The following LEF1 variants were observed in gnomAD, a reference collection of about 807,000 sequenced individuals.
LEF1 encodes lymphoid enhancer-binding factor 1.
In LEF1, 14 loss-of-function variants were observed where a neutral mutation model predicts 51.2. The observed-to-expected ratio is 0.27, with a 90% CI of 0.18 to 0.43. LEF1 has a LOEUF of 0.43. Ranked by LOEUF, LEF1 falls within the 20% of genes least tolerant of loss-of-function variation. LEF1 has a pLI of 1.00. For synonymous variants in LEF1, 185 were observed against 183.2 expected (o/e 1.01, Z -0.08); for missense variants, 386 against 512.0 (o/e 0.75, Z 2.37).
At chr4:108,062,368 G>T (rs17439796) in intron 11 of LEF1, among the ~76,000 whole-genome samples, 3,021 of 152,250 alleles carry the variant, frequency 0.02, 46 homozygotes, top group Middle Eastern at 0.044. Context: ...TAGAGGAAAT[G>T]GGCTTTCGAA....
chr4:108,099,570 G>GTGTGTGTATATATA (rs1266681210), intron 3 of LEF1, among the ~76,000 whole-genome samples: 1 of 70,196 alleles, frequency 1.4e-5, no homozygotes, highest in Non-Finnish European at 2.9e-5. Context: ...GTGTGTGTGT[G>GTGTGTGTATATATA]TATATATATA....
intron 3 of LEF1, among the ~76,000 whole-genome samples, chr4:108,150,509 T>C (rs1744303918): frequency 6.6e-6 from 1 of 152,218 alleles, no homozygotes; most frequent in Non-Finnish European, 1.5e-5. Flanking sequence ...CAGAAGACAA[T>C]TTCCAAGTAT....
In LEF1 at chr4:108,080,837, T is replaced by C. The variant is rs568416164; in HGVS notation, c.722+749A>G. ...ACAACCAGTTAATAACCCACCAGTT[T>C]GACTTCCGGCACAATAATGCTAGCT... On this transcript the variant is annotated intron_variant, in intron 6 of 11. Transcript: ENST00000265165. Among the ~76,000 whole-genome samples the C allele has an allele frequency of 3.3e-5, 5 of 152,328 alleles. No homozygotes were observed. In the South Asian group the frequency reaches 1.0e-3, roughly 32 times the overall value.
At chr4:108,164,160 A>G (rs187838745) in intron 2 of LEF1, among the ~76,000 whole-genome samples, 7 of 152,270 alleles carry the variant, frequency 4.6e-5, no homozygotes, top group African/African-American at 1.7e-4. Context: ...GCAGATTTCT[A>G]GAAAAATTTC....
chr4:108,167,881 G>A lies in LEF1; in HGVS notation c.-114C>T. 1.2e-6 allele frequency: 1 copy of A among 854,522 alleles called. No homozygotes were observed. Among genetic ancestry groups the A allele is most frequent in the Admixed American group, 2.9e-5 (1 of 34,586 alleles). The allele number at this position is 854,522 out of a possible 1,614,324, so 52.9% of individuals were successfully genotyped here. A position where few individuals can be genotyped will look rare whatever the true frequency, so the allele number is the denominator to read the frequency against. ...AAGGAGAGTTGGAAGGGTTCGTGCA[G>A]CAGGACAGCGGGCGGAAGCGGGGCG... On this transcript the variant is annotated 5_prime_UTR_variant, in exon 1 of 12. Coordinates refer to ENST00000265165, the MANE Select transcript of LEF1 (RefSeq NM_016269.5). This position sits in a 1 kb window ranked among gnomAD's most constrained non-coding sequence, Gnocchi z 5.7.
At chr4:108,062,712 C>G (rs1488367233) in intron 11 of LEF1, among the ~76,000 whole-genome samples, 1 of 152,134 alleles carries the variant, frequency 6.6e-6, no homozygotes, top group African/African-American at 2.4e-5. Flanking sequence ...ACGTGTATTA[C>G]AGTACTCCAG....
chr4:108,079,642 T>C (rs562761016), intron 6 of LEF1, 28 bp from the exon 7 acceptor site: 1 of 1,613,372 alleles, frequency 6.2e-7, no homozygotes, highest in East Asian at 2.2e-5. Flanking sequence ...AAGAAAACAA[T>C]GTACTACTGG....
chr4:108,079,470 C>T, intron 7 of LEF1, 22 bp downstream of exon 7: 2 of 1,613,654 alleles, frequency 1.2e-6, no homozygotes, highest in South Asian at 2.2e-5. Flanking sequence ...GCAATCACAG[C>T]AGAGCCCGGG....
intron 3 of LEF1, among the ~76,000 whole-genome samples, chr4:108,152,225 G>A (rs1334034760): frequency 6.6e-6 from 1 of 152,174 alleles, no homozygotes; most frequent in Non-Finnish European, 1.5e-5. Flanking sequence ...AGGGAATAGA[G>A]AACAGGGCAT....
chr4:108,072,885 G>A (rs1738579934), intron 8 of LEF1: 1 of 151,990 alleles, frequency 6.6e-6, no homozygotes, highest in Admixed American at 6.5e-5. Context: ...GGATACAAAA[G>A]GAAACATCAT....
chr4:108,089,156 T>C lies in LEF1; in HGVS notation c.516A>G (p.Ser172=). 6.2e-7 allele frequency: 1 copy of C among 1,613,954 alleles called. No homozygotes were observed. The highest frequency in any genetic ancestry group is 8.5e-7 in the Non-Finnish European group (1 of 1,179,984). Residue 172 remains serine, a synonymous_variant, in exon 4 of 12, where the codon TCA becomes TCG. Transcript: ENST00000265165. ...DEHFSPGSHP[S]HIPSDVNSKQ... The stretch of plus-strand genomic sequence containing the variant: ...TGGAGTTGACATCTGATGGGATGTG[T>C]GACGGGTGTGATCCTGGAGAAAAGT...
At chr4:108,089,028 G>T in intron 4 of LEF1, 97 bp downstream of exon 4, 3 of 1,360,034 alleles carry the variant, frequency 2.2e-6, no homozygotes, top group Non-Finnish European at 3.1e-6. Flanking sequence ...TCCACCCAGT[G>T]ACATGGAGCA....
At chr4:108,105,120 A>G (rs1168867717) in intron 3 of LEF1, among the ~76,000 whole-genome samples, 1 of 151,954 alleles carries the variant, frequency 6.6e-6, no homozygotes, top group South Asian at 2.1e-4. Flanking sequence ...CTATGGGTTT[A>G]CGTTTTTCCT....
intron 3 of LEF1, among the ~76,000 whole-genome samples, chr4:108,139,747 T>C (rs749961752): frequency 2.0e-5 from 3 of 152,200 alleles, no homozygotes; most frequent in Non-Finnish European, 4.4e-5. Context: ...TGTAAAACAA[T>C]TGAGTAAACT....
chr4:108,099,757 T>C lies in LEF1; in HGVS notation c.415-10500A>G, dbSNP rs1193396370. ...ATTTCTCCAAATGCTAAAGTCAATA[T>C]ATTTAAAACCAAATATTTATATGAC... On this transcript the variant is annotated intron_variant, in intron 3 of 11. Transcript: ENST00000265165. Among the ~76,000 whole-genome samples the C allele has an allele frequency of 2.6e-5, 4 of 151,438 alleles. No individual in the cohort carries two copies. In the South Asian group the frequency reaches 8.4e-4, roughly 32 times the overall value.
chr4:108,105,306 G>A (rs556933539), intron 3 of LEF1, among the ~76,000 whole-genome samples: 32 of 150,858 alleles, frequency 2.1e-4, no homozygotes, highest in Non-Finnish European at 3.4e-4. Context: ...TCAGCCTCCT[G>A]AGTAGCTGGG....
chr4:108,067,497 C>G (rs1016357551), intron 9 of LEF1, among the ~76,000 whole-genome samples: 11 of 151,040 alleles, frequency 7.3e-5, no homozygotes, highest in African/African-American at 2.4e-4. Context: ...AGACAAACTA[C>G]ACCCAAAAGA....
At chr4:108,114,843 G>A (rs77178783) in intron 3 of LEF1, among the ~76,000 whole-genome samples, 3,988 of 152,274 alleles carry the variant, frequency 0.026, 159 homozygotes, top group African/African-American at 0.091. Flanking sequence ...TGGAACAGCC[G>A]GCTTCCTCTG....
At chr4:108,128,505 G>A (rs1470453750) in intron 3 of LEF1, among the ~76,000 whole-genome samples, 2 of 149,724 alleles carry the variant, frequency 1.3e-5, no homozygotes, top group Non-Finnish European at 2.9e-5. Context: ...GACTGAGGAA[G>A]GGCTTTTTTT....
Sources: allele counts gnomAD v4.1 joint callset (sites outside exome capture counted in the v4.1 genomes callset), GRCh38; gene constraint gnomAD v4.1.1; non-coding constraint Gnocchi (gnomAD v3.1); transcripts MANE v1.5; gene names NCBI Gene and HGNC (gene_info 2026-07-23, HGNC 2026-07-21).